The following DRC11 variants were observed in gnomAD, a reference collection of about 807,000 sequenced individuals.
The protein encoded by DRC11 is dynein regulatory complex subunit 11.
chr2:236,356,289 G>A, the DRC11 span, among the ~76,000 whole-genome samples: 1 of 152,224 alleles, frequency 6.6e-6, no homozygotes, highest in African/African-American at 2.4e-5. Flanking sequence ...TCTAATGAGA[G>A]GTCTGGAGGG....
chr2:236,416,719 A>T, the DRC11 span, among the ~76,000 whole-genome samples: 39 of 60,842 alleles, frequency 6.4e-4, no homozygotes, highest in African/African-American at 1.5e-3. Flanking sequence ...ATATATATAT[A>T]TTTATATATA....
the DRC11 span, among the ~76,000 whole-genome samples, chr2:236,476,563 T>C: frequency 1.7e-3 from 266 of 152,322 alleles, no homozygotes; most frequent in African/African-American, 6.2e-3. This position sits in a 1 kb window ranked among gnomAD's most constrained non-coding sequence, Gnocchi z 4.7. Context: ...TTTCTCTCTT[T>C]TGCCAAATTA....
the DRC11 span, among the ~76,000 whole-genome samples, chr2:236,328,738 C>T: frequency 1.3e-5 from 2 of 152,104 alleles, no homozygotes; most frequent in East Asian, 1.9e-4. This position sits in a 1 kb window ranked among gnomAD's most constrained non-coding sequence, Gnocchi z 6.7. Context: ...CCTAATTTAT[C>T]GAGACCCCGT....
the DRC11 span, among the ~76,000 whole-genome samples, chr2:236,473,865 T>C: frequency 6.6e-6 from 1 of 152,178 alleles, no homozygotes; most frequent in African/African-American, 2.4e-5. This position sits in a 1 kb window ranked among gnomAD's most constrained non-coding sequence, Gnocchi z 4.8. Context: ...GCTCTAATTC[T>C]GGTTTCAGTT....
the DRC11 span, among the ~76,000 whole-genome samples, chr2:236,345,921 T>C: frequency 6.6e-6 from 1 of 152,338 alleles, no homozygotes; most frequent in Admixed American, 6.5e-5. Context: ...CACTCTACTG[T>C]GTCTGCCTCC....
At chr2:236,478,414 T>C in the DRC11 span, among the ~76,000 whole-genome samples, 3 of 152,216 alleles carry the variant, frequency 2.0e-5, no homozygotes, top group South Asian at 6.2e-4. This position sits in a 1 kb window ranked among gnomAD's most constrained non-coding sequence, Gnocchi z 5.9. Flanking sequence ...AAATACTTGA[T>C]ATGATTTCAA....
chr2:236,489,195 G>T, the DRC11 span, among the ~76,000 whole-genome samples: 1 of 139,990 alleles, frequency 7.1e-6, no homozygotes, highest in South Asian at 2.4e-4. Context: ...GTATGCTGGG[G>T]CCTGTATGAG....
the DRC11 span, among the ~76,000 whole-genome samples, chr2:236,470,715 G>A: frequency 6.6e-6 from 1 of 152,148 alleles, no homozygotes; most frequent in Admixed American, 6.5e-5. The surrounding 1 kb of genome is among the most constrained non-coding windows in gnomAD (Gnocchi z 5.1). Flanking sequence ...CCCAGCAGGA[G>A]AAGTGAAAAA....
At chr2:236,440,953 C>T in the DRC11 span, 9 of 795,232 alleles carry the variant, frequency 1.1e-5, no homozygotes, top group East Asian at 1.6e-4. Context: ...TAACCAAGAC[C>T]TAATAACGCT....
the DRC11 span, among the ~76,000 whole-genome samples, chr2:236,452,933 G>A: frequency 6.6e-6 from 1 of 152,202 alleles, no homozygotes. The surrounding 1 kb of genome is among the most constrained non-coding windows in gnomAD (Gnocchi z 4.7). Flanking sequence ...CTCAGAAAAT[G>A]GGATGCATGC....
chr2:236,375,821 C>T, the DRC11 span, among the ~76,000 whole-genome samples: 1 of 152,198 alleles, frequency 6.6e-6, no homozygotes, highest in African/African-American at 2.4e-5. This position sits in a 1 kb window ranked among gnomAD's most constrained non-coding sequence, Gnocchi z 4.2. Context: ...CACTTCCTCA[C>T]AGAAGAATGA....
the DRC11 span, among the ~76,000 whole-genome samples, chr2:236,456,944 G>A: frequency 1.3e-5 from 2 of 152,220 alleles, no homozygotes; most frequent in Non-Finnish European, 2.9e-5. The surrounding 1 kb of genome is among the most constrained non-coding windows in gnomAD (Gnocchi z 5.4). Flanking sequence ...GAGATGAGGA[G>A]AGGCTGCTGC....
At chr2:236,462,042 G>A in the DRC11 span, among the ~76,000 whole-genome samples, 16 of 152,140 alleles carry the variant, frequency 1.1e-4, no homozygotes, top group East Asian at 5.8e-4. This position sits in a 1 kb window ranked among gnomAD's most constrained non-coding sequence, Gnocchi z 6.4. Context: ...TAAGGGCCTC[G>A]GTCAAAGAGC....
chr2:236,383,088 G>C, the DRC11 span, among the ~76,000 whole-genome samples: 1 of 152,052 alleles, frequency 6.6e-6, no homozygotes, highest in African/African-American at 2.4e-5. Flanking sequence ...TTGTTTTCCA[G>C]GATCCCAGGA....
At chr2:236,501,048 A>G in the DRC11 span, among the ~76,000 whole-genome samples, 2 of 152,166 alleles carry the variant, frequency 1.3e-5, no homozygotes, top group Non-Finnish European at 2.9e-5. Flanking sequence ...ACGGTTCCAC[A>G]GGCTGTACAG....
the DRC11 span, among the ~76,000 whole-genome samples, chr2:236,456,037 C>T: frequency 1.2e-4 from 18 of 152,250 alleles, no homozygotes; most frequent in South Asian, 3.3e-3. The surrounding 1 kb of genome is among the most constrained non-coding windows in gnomAD (Gnocchi z 5.4). Flanking sequence ...GTGGGAGCCA[C>T]AGAAGCTGTG....
At chr2:236,465,696 G>T in the DRC11 span, 3 of 1,608,052 alleles carry the variant, frequency 1.9e-6, no homozygotes, top group Admixed American at 5.0e-5. The surrounding 1 kb of genome is among the most constrained non-coding windows in gnomAD (Gnocchi z 6.2). Flanking sequence ...CTTCATTAAA[G>T]AGAGGAGGTG....
At chr2:236,423,945 G>A in the DRC11 span, among the ~76,000 whole-genome samples, 2 of 151,112 alleles carry the variant, frequency 1.3e-5, no homozygotes, top group Non-Finnish European at 1.5e-5. Flanking sequence ...GCAAACTATC[G>A]CAAGGAGAAA....
At chr2:236,425,056 T>C in the DRC11 span, among the ~76,000 whole-genome samples, 1 of 152,032 alleles carries the variant, frequency 6.6e-6, no homozygotes, top group Non-Finnish European at 1.5e-5. Context: ...GTTTATCCGT[T>C]CATCTACTGA....
Sources: allele counts gnomAD v4.1 joint callset (sites outside exome capture counted in the v4.1 genomes callset), GRCh38; gene constraint gnomAD v4.1.1; non-coding constraint Gnocchi (gnomAD v3.1); transcripts MANE v1.5; gene names NCBI Gene and HGNC (gene_info 2026-07-23, HGNC 2026-07-21).